The following CERS6 variants were observed in gnomAD, a reference collection of about 807,000 sequenced individuals.
CERS6 encodes ceramide synthase 6.
In CERS6, 26 loss-of-function variants were observed where a neutral mutation model predicts 56.8. That is an observed-to-expected ratio of 0.46 (90% CI 0.34 to 0.63). The LOEUF is 0.63. Among genes scored for constraint, CERS6 ranks in the 30% least tolerant of loss-of-function variants. The probability of loss-of-function intolerance (pLI) is 0.01; values close to 1 mark genes in which losing one functional copy is unlikely to be tolerated. For missense variants in CERS6, 415 were observed against 467.5 expected (o/e 0.89, Z 1.04); for synonymous variants, 164 against 173.3 (o/e 0.95, Z 0.42).
chr2:168,668,292 C>A (rs1685817962), intron 4 of CERS6, among the ~76,000 whole-genome samples: 1 of 152,140 alleles, frequency 6.6e-6, no homozygotes, highest in African/African-American at 2.4e-5. Context: ...TATGGTCTCA[C>A]CATCTGCAGC....
At chr2:168,729,768 A>G (rs1683464269) in intron 8 of CERS6, among the ~76,000 whole-genome samples, 1 of 152,212 alleles carries the variant, frequency 6.6e-6, no homozygotes, top group African/African-American at 2.4e-5. Context: ...GTCTTATCAT[A>G]TATTATCATT....
intron 4 of CERS6, among the ~76,000 whole-genome samples, chr2:168,631,704 A>T (rs1467884795): frequency 9.0e-6 from 1 of 110,752 alleles, no homozygotes; most frequent in Non-Finnish European, 1.7e-5. Flanking sequence ...TTTAATTTAT[A>T]TTTATATTAT....
At chr2:168,502,482 C>T (rs1694600567) in intron 1 of CERS6, among the ~76,000 whole-genome samples, 1 of 152,112 alleles carries the variant, frequency 6.6e-6, no homozygotes, top group Non-Finnish European at 1.5e-5. Context: ...TTGGCTGCTT[C>T]ATCTGCAGCA....
intron 3 of CERS6, among the ~76,000 whole-genome samples, chr2:168,585,925 G>A (rs1451818522): frequency 1.3e-5 from 2 of 152,146 alleles, no homozygotes; most frequent in East Asian, 3.8e-4. Flanking sequence ...TGCACAACTA[G>A]GGCATTTAGA....
intron 1 of CERS6, among the ~76,000 whole-genome samples, chr2:168,536,190 A>G (rs182499328): frequency 9.8e-5 from 15 of 152,300 alleles, no homozygotes; most frequent in African/African-American, 3.1e-4. Flanking sequence ...AAATAATTCA[A>G]TTCTTCAGAT....
In CERS6 at chr2:168,472,179, AT is replaced by A. The variant is rs377730058; in HGVS notation, c.170+15568del. 3.9e-5 allele frequency among the ~76,000 whole-genome samples: 6 copies of A among 152,282 alleles called. No individual in the cohort carries two copies. The East Asian group carries it at 9.7e-4, about 24-fold the overall frequency. Reference sequence around the variant, plus strand: ...CATATGGCATTGTTAGAAAAATGCTATTTTTTTCTAAAGCAGACTTTTTATT... The same window carrying A: ...CATATGGCATTGTTAGAAAAATGCTATTTTTTCTAAAGCAGACTTTTTATT... On this transcript the variant is annotated intron_variant, in intron 1 of 9. Transcript: ENST00000305747.
chr2:168,631,773 A>G (rs1453119640), intron 4 of CERS6, among the ~76,000 whole-genome samples: 1 of 127,074 alleles, frequency 7.9e-6, no homozygotes, highest in Non-Finnish European at 1.6e-5. Flanking sequence ...TATATAATAA[A>G]GAAATGTATA....
At chr2:168,501,690 G>A (rs913090463) in intron 1 of CERS6, among the ~76,000 whole-genome samples, 2 of 152,198 alleles carry the variant, frequency 1.3e-5, no homozygotes, top group Middle Eastern at 3.2e-3. Flanking sequence ...CAGACCAGCT[G>A]TCTTTTAATG....
intron 8 of CERS6, among the ~76,000 whole-genome samples, chr2:168,753,657 G>T (rs1266958667): frequency 1.3e-5 from 2 of 152,148 alleles, no homozygotes; most frequent in African/African-American, 4.8e-5. Context: ...TCTCAAGACT[G>T]CAGGCCTAGG....
intron 7 of CERS6, among the ~76,000 whole-genome samples, chr2:168,716,084 A>C (rs1408023511): frequency 6.6e-6 from 1 of 152,112 alleles, no homozygotes; most frequent in Admixed American, 6.6e-5. Context: ...TGAATCTACC[A>C]TAAAGGCAAT....
rs370862671 is a variant in CERS6 at position 168,675,600 on chromosome 2, CA to C, written c.466-15429del. Among the ~76,000 whole-genome samples, 31 of 152,016 alleles carry C rather than the reference CA, an allele frequency of 2.0e-4. No individual in the cohort carries two copies. The East Asian group carries it at 3.5e-3, about 17-fold the overall frequency. On this transcript the variant is annotated intron_variant, in intron 4 of 9. Transcript: ENST00000305747. ...GACCCTGTCTCAAAACAAAACAAAA[CA>C]AAAACCAAGGACAACAACAACAACA...
rs557668792 is a variant in CERS6 at position 168,575,508 on chromosome 2, A to G, written c.407+14186A>G. Among the ~76,000 whole-genome samples, 4 of 152,110 alleles carry G rather than the reference A, an allele frequency of 2.6e-5. No homozygotes were observed. The East Asian group carries it at 5.8e-4, about 22-fold the overall frequency. On this transcript the variant is annotated intron_variant, in intron 3 of 9. Transcript: ENST00000305747. ...ATCAGCAAACTGCCCCCATGAACCA[A>G]TTGGCTCCCACCAGATCCCTCCCTT...
At chr2:168,651,509 G>A (rs1248108348) in intron 4 of CERS6, among the ~76,000 whole-genome samples, 1 of 152,208 alleles carries the variant, frequency 6.6e-6, no homozygotes, top group Non-Finnish European at 1.5e-5. Flanking sequence ...ATAAAGAAAA[G>A]AGGTTTAATT....
chr2:168,601,507 G>A (rs77893023), intron 3 of CERS6, among the ~76,000 whole-genome samples: 4,373 of 151,376 alleles, frequency 0.029, 216 homozygotes, highest in African/African-American at 0.1. Context: ...TCATTTCATA[G>A]AGGAGAATGT....
intron 8 of CERS6, among the ~76,000 whole-genome samples, chr2:168,724,252 G>A (rs1311146110): frequency 2.0e-5 from 3 of 152,106 alleles, no homozygotes; most frequent in East Asian, 1.9e-4. Flanking sequence ...CATTCCTCCC[G>A]GTGGGCTCGT....
intron 1 of CERS6, among the ~76,000 whole-genome samples, chr2:168,501,241 C>A (rs1224096464): frequency 6.6e-6 from 1 of 152,124 alleles, no homozygotes; most frequent in Non-Finnish European, 1.5e-5. Flanking sequence ...GGGGTAGGTG[C>A]CATTTTCGGA....
chr2:168,662,710 C>T (rs113862771), intron 4 of CERS6, among the ~76,000 whole-genome samples: 2,758 of 152,038 alleles, frequency 0.018, 79 homozygotes, highest in African/African-American at 0.063. Context: ...CCAGCCTGGG[C>T]GACAAGAGCG....
chr2:168,606,626 T>C (rs1158925459), intron 3 of CERS6: 2 of 152,200 alleles, frequency 1.3e-5, no homozygotes, highest in African/African-American at 4.8e-5. Context: ...TGGGAAGGTA[T>C]GATTTTATTT....
chr2:168,507,186 A>AT (rs1694693939), intron 1 of CERS6, among the ~76,000 whole-genome samples: 1 of 152,166 alleles, frequency 6.6e-6, no homozygotes, highest in East Asian at 1.9e-4. Flanking sequence ...TATAACCAGT[A>AT]TATACAACAC....
Sources: gnomAD v4.1 joint callset for allele counts (sites outside exome capture counted in the v4.1 genomes callset) on GRCh38, gnomAD v4.1.1 for gene constraint, MANE v1.5 for transcripts, NCBI Gene and HGNC (gene_info 2026-07-23, HGNC 2026-07-21) for gene names.